Variants in FRMD4A observed in about 807,000 individuals in gnomAD.
FRMD4A encodes the protein FERM domain-containing protein 4A.
Under a neutral mutation model 129.1 loss-of-function variants are expected in FRMD4A, and 29 were observed. That is an observed-to-expected ratio of 0.22 (90% CI 0.17 to 0.31). The LOEUF is 0.31. Ranked by LOEUF, FRMD4A falls within the 10% of genes least tolerant of loss-of-function variation. FRMD4A has a pLI of 1.00. For missense variants in FRMD4A, 1,272 were observed against 1,375.8 expected (o/e 0.92, Z 1.19); for synonymous variants, 634 against 571.6 (o/e 1.11, Z -1.56).
chr10:13,828,618 C>T (rs1252747717), intron 3 of FRMD4A, among the ~76,000 whole-genome samples: 4 of 151,192 alleles, frequency 2.6e-5, no homozygotes, highest in Non-Finnish European at 5.9e-5. Flanking sequence ...CTGCAACCTC[C>T]GCCTCCTGGG....
intron 2 of FRMD4A, among the ~76,000 whole-genome samples, chr10:14,099,175 T>C (rs1196954199): frequency 6.6e-6 from 1 of 152,230 alleles, no homozygotes; most frequent in Non-Finnish European, 1.5e-5. Flanking sequence ...TCCATCATTG[T>C]CACACTCAGG....
chr10:14,171,388 A>C (rs1249154943), intron 2 of FRMD4A, among the ~76,000 whole-genome samples: 1 of 152,214 alleles, frequency 6.6e-6, no homozygotes, highest in African/African-American at 2.4e-5. Flanking sequence ...AGTGTGCCCA[A>C]GTGAATCCAG....
chr10:13,654,012 C>T, intron 23 of FRMD4A: 1 of 328,174 alleles, frequency 3.0e-6, no homozygotes, highest in East Asian at 5.5e-5. Flanking sequence ...CTGGCTGTTT[C>T]ACCTGCCCCA....
intron 2 of FRMD4A, among the ~76,000 whole-genome samples, chr10:14,190,228 A>C (rs1842275733): frequency 6.6e-6 from 1 of 152,166 alleles, no homozygotes; most frequent in Admixed American, 6.5e-5. Context: ...TGAAGTGAAA[A>C]CAGTAGTTTC....
chr10:14,329,946 G>T (rs1244891695), intron 2 of FRMD4A, 112 bp downstream of exon 2: 3 of 977,628 alleles, frequency 3.1e-6, no homozygotes, highest in East Asian at 5.3e-5. Context: ...GCGGGATAAA[G>T]CGGAGCAATG....
Position 14,127,981 on chromosome 10 carries a change from TCTC to T in FRMD4A, c.45+202074_45+202076del, listed in dbSNP as rs1564319448. 2.6e-3 allele frequency among the ~76,000 whole-genome samples: 47 copies of T among 18,200 alleles called. 2 individuals are homozygous for T. The highest frequency in any genetic ancestry group is 0.013 in the African/African-American group (43 of 3,320). 11.9% of individuals were successfully genotyped at this position (18,200 alleles called of 152,430 possible). A position where few individuals can be genotyped will look rare whatever the true frequency, so the allele number is the denominator to read the frequency against. On this transcript the variant is annotated intron_variant, in intron 2 of 24. Transcript: ENST00000357447. The stretch of plus-strand genomic sequence containing the variant: ...TTCTTTCTTTCTTTCTTTCTTTCCT[TCTC>T]TCTCTCTCTCTCTCTCTTTCTTTCT...
At chr10:14,110,977 C>T (rs543121954) in intron 2 of FRMD4A, among the ~76,000 whole-genome samples, 1 of 151,794 alleles carries the variant, frequency 6.6e-6, no homozygotes, top group Non-Finnish European at 1.5e-5. Flanking sequence ...TAAAGGCATG[C>T]TAAAAATTTT....
intron 2 of FRMD4A, among the ~76,000 whole-genome samples, chr10:14,062,509 T>C (rs1834862579): frequency 6.6e-6 from 1 of 152,166 alleles, no homozygotes; most frequent in Non-Finnish European, 1.5e-5. Flanking sequence ...ATACTAATGG[T>C]GAAACCGACT....
chr10:13,764,252 T>G (rs545116894), intron 6 of FRMD4A, among the ~76,000 whole-genome samples: 1 of 150,550 alleles, frequency 6.6e-6, no homozygotes, highest in East Asian at 2.0e-4. Flanking sequence ...GCATGATGGC[T>G]CACACACTTT....
At chr10:13,882,303 G>A (rs1203864818) in intron 2 of FRMD4A, among the ~76,000 whole-genome samples, 3 of 152,140 alleles carry the variant, frequency 2.0e-5, no homozygotes, top group Non-Finnish European at 4.4e-5. Flanking sequence ...TATGGACCGA[G>A]GCATTGGAGA....
intron 4 of FRMD4A, among the ~76,000 whole-genome samples, chr10:13,797,619 C>G (rs569096110): frequency 1.3e-5 from 2 of 152,310 alleles, no homozygotes; most frequent in African/African-American, 4.8e-5. Flanking sequence ...TCCTTTCCCT[C>G]CTCTCTGTAT....
At chr10:14,117,394 C>T (rs1838253728) in intron 2 of FRMD4A, among the ~76,000 whole-genome samples, 1 of 152,230 alleles carries the variant, frequency 6.6e-6, no homozygotes. Flanking sequence ...CTGTTGGCCT[C>T]CCATCATTGG....
At chr10:13,902,005 A>G (rs2094825076) in intron 2 of FRMD4A, among the ~76,000 whole-genome samples, 1 of 152,126 alleles carries the variant, frequency 6.6e-6, no homozygotes, top group Non-Finnish European at 1.5e-5. Context: ...AAGATAGGCT[A>G]TTTAATTTTT....
chr10:13,673,842 C>T (rs1301307349), intron 16 of FRMD4A, among the ~76,000 whole-genome samples: 2 of 131,692 alleles, frequency 1.5e-5, no homozygotes, highest in African/African-American at 5.9e-5. Flanking sequence ...ATGGCGTGAT[C>T]ACTGCTCACT....
At chr10:14,129,427 A>G (rs1839122947) in intron 2 of FRMD4A, among the ~76,000 whole-genome samples, 1 of 135,132 alleles carries the variant, frequency 7.4e-6, no homozygotes, top group African/African-American at 2.7e-5. Flanking sequence ...GAGCTGTAGA[A>G]CATACTTAGA....
chr10:13,658,775 G>C (rs2082390069), intron 21 of FRMD4A, among the ~76,000 whole-genome samples: 1 of 151,834 alleles, frequency 6.6e-6, no homozygotes, highest in South Asian at 2.1e-4. Context: ...CCACCTACTT[G>C]GGAGGCTGAG....
intron 2 of FRMD4A, chr10:13,891,675 G>C: frequency 1.0e-6 from 1 of 985,238 alleles, no homozygotes. Flanking sequence ...GCTGCAAGCG[G>C]CTGGTACCCC....
intron 3 of FRMD4A, among the ~76,000 whole-genome samples, chr10:13,829,392 C>T (rs1363667015): frequency 6.6e-6 from 1 of 151,908 alleles, no homozygotes; most frequent in East Asian, 1.9e-4. Context: ...GGGTGTGGTG[C>T]CGTGTGCCTG....
chr10:13,992,548 A>G (rs1413915995), intron 2 of FRMD4A, among the ~76,000 whole-genome samples: 1 of 152,196 alleles, frequency 6.6e-6, no homozygotes, highest in African/African-American at 2.4e-5. Flanking sequence ...ATGACACTAA[A>G]CATCAGCCCT....
Sources: allele counts gnomAD v4.1 joint callset (sites outside exome capture counted in the v4.1 genomes callset), GRCh38; gene constraint gnomAD v4.1.1; transcripts MANE v1.5; gene names NCBI Gene and HGNC (gene_info 2026-07-23, HGNC 2026-07-21).